Variants in NIBAN1 observed in about 807,000 individuals in gnomAD.
The protein encoded by NIBAN1 is niban apoptosis regulator 1.
A neutral mutation model predicts 75.1 loss-of-function variants in NIBAN1; 81 were observed. That is an observed-to-expected ratio of 1.08 (90% confidence interval 0.90 to 1.30). The LOEUF (loss-of-function observed/expected upper bound fraction) is 1.30. NIBAN1 is among the 50% of genes most tolerant of loss of function. The probability of loss-of-function intolerance (pLI) is 0.00; values close to 1 mark genes in which losing one functional copy is unlikely to be tolerated. For synonymous variants in NIBAN1, 436 were observed against 424.8 expected, an observed-to-expected ratio of 1.03 and a Z score of -0.32; for missense variants, 1,133 against 1,128.1, an observed-to-expected ratio of 1.00 and a Z score of -0.06.
intron 1 of NIBAN1, among the ~76,000 whole-genome samples, chr1:184,944,537 T>C (rs1184820234): frequency 2.6e-5 from 4 of 152,250 alleles, no homozygotes; most frequent in African/African-American, 9.6e-5. Context: ...TGCCTTTAGG[T>C]AATGCAGGAA....
At chr1:184,861,279 C>G (rs1228940005) in intron 5 of NIBAN1, among the ~76,000 whole-genome samples, 1 of 152,208 alleles carries the variant, frequency 6.6e-6, no homozygotes, top group African/African-American at 2.4e-5. Context: ...TTCCTTGAAC[C>G]AATCTAAATC....
chr1:184,940,975 C>T lies in NIBAN1; in HGVS notation c.55+33327G>A, dbSNP rs1012837910. 1.3e-4 allele frequency among the ~76,000 whole-genome samples: 20 copies of T among 152,190 alleles called. 1 individual carries two copies. Among genetic ancestry groups the T allele is most frequent in the Admixed American group, 1.2e-3 (19 of 15,284 alleles). ...AAACAGGTACAACAGAGAAGGCATC[C>T]GGACACACGTCAGTCTATCCTTTCT... On this transcript the variant is annotated intron_variant, in intron 1 of 13. Coordinates refer to ENST00000367511, the MANE Select transcript of NIBAN1 (RefSeq NM_052966.4).
intron 5 of NIBAN1, among the ~76,000 whole-genome samples, chr1:184,876,858 T>G (rs773570989): frequency 3.9e-5 from 6 of 152,262 alleles, no homozygotes; most frequent in South Asian, 4.1e-4. Flanking sequence ...TATTTCAGAT[T>G]ATAGCAAAGG....
intron 5 of NIBAN1, among the ~76,000 whole-genome samples, chr1:184,873,813 G>A (rs1248094067): frequency 1.3e-5 from 2 of 152,146 alleles, no homozygotes; most frequent in Admixed American, 6.5e-5. Flanking sequence ...CTTTCCTCCT[G>A]TTAATCTGTC....
intron 5 of NIBAN1, among the ~76,000 whole-genome samples, chr1:184,837,327 G>A (rs538565239): frequency 9.9e-5 from 15 of 152,272 alleles, no homozygotes; most frequent in East Asian, 1.9e-4. Flanking sequence ...CTCTTCCAGC[G>A]TGCTATAATT....
At chr1:184,960,871 C>T (rs890300658) in intron 1 of NIBAN1, among the ~76,000 whole-genome samples, 5 of 151,956 alleles carry the variant, frequency 3.3e-5, no homozygotes, top group African/African-American at 9.7e-5. Context: ...CTCAGGTGAT[C>T]CACCTGCCTC....
chr1:184,932,032 T>C (rs1045231578), intron 1 of NIBAN1, among the ~76,000 whole-genome samples: 1 of 152,206 alleles, frequency 6.6e-6, no homozygotes, highest in Non-Finnish European at 1.5e-5. Context: ...GCTACTAATA[T>C]TTGAAACATA....
At position 184,867,981 on chromosome 1, in the gene NIBAN1, AAAC is replaced by A. The variant is rs1656002258; in HGVS notation, c.601+16649_601+16651del. 15 of 985,424 alleles carry A rather than the reference AAAC, an allele frequency of 1.5e-5. No individual in the cohort carries two copies. In the South Asian group the frequency reaches 6.6e-4, roughly 43 times the overall value. The allele number at this position is 985,424 out of a possible 1,614,324, so 61.0% of individuals were successfully genotyped here. A position where few individuals can be genotyped will look rare whatever the true frequency, so the allele number is the denominator to read the frequency against. ...TTCTAGGGAAAGGTGGGGAAGGAAA[AAAC>A]AACAAATGAAGAGAAGTCTCAGTTC... On this transcript the variant is annotated intron_variant, in intron 5 of 13. Transcript: ENST00000367511.
intron 5 of NIBAN1, among the ~76,000 whole-genome samples, chr1:184,876,071 G>C (rs375178791): frequency 6.6e-6 from 1 of 151,866 alleles, no homozygotes; most frequent in African/African-American, 2.4e-5. Flanking sequence ...TACTCAGAAG[G>C]CTGAGGCAGG....
chr1:184,857,648 CAAATT>C (rs1353553666), intron 5 of NIBAN1, among the ~76,000 whole-genome samples: 1 of 152,046 alleles, frequency 6.6e-6, no homozygotes, highest in East Asian at 1.9e-4. Context: ...AATCTGCAAT[CAAATT>C]AAAATTGCAT....
intron 5 of NIBAN1, among the ~76,000 whole-genome samples, 166 bp from the exon 6 acceptor site, chr1:184,832,128 C>T (rs1236790134): frequency 6.6e-6 from 1 of 152,198 alleles, no homozygotes; most frequent in Non-Finnish European, 1.5e-5. Context: ...AGTTAATTTG[C>T]AGGTGTACAT....
intron 1 of NIBAN1, among the ~76,000 whole-genome samples, chr1:184,931,073 C>T (rs1367740742): frequency 6.8e-6 from 1 of 147,322 alleles, no homozygotes; most frequent in African/African-American, 2.5e-5. Flanking sequence ...TGTGTCGGCT[C>T]ACTGCAACCT....
intron 1 of NIBAN1, among the ~76,000 whole-genome samples, chr1:184,909,623 G>A (rs1340575265): frequency 1.3e-5 from 2 of 152,126 alleles, no homozygotes; most frequent in African/African-American, 2.4e-5. Context: ...TATTCACAAG[G>A]TTGATAGAAT....
chr1:184,889,563 A>G (rs1357757424), intron 4 of NIBAN1, among the ~76,000 whole-genome samples: 1 of 152,158 alleles, frequency 6.6e-6, no homozygotes. Flanking sequence ...TGACAGGTCC[A>G]GGCTTGCTTA....
chr1:184,898,151 A>G (rs1011912556), intron 2 of NIBAN1, among the ~76,000 whole-genome samples: 3 of 152,100 alleles, frequency 2.0e-5, no homozygotes, highest in East Asian at 1.9e-4. Context: ...CCTTGCTCAC[A>G]GTGCTCCCAG....
chr1:184,808,815 A>T (rs942828127), intron 9 of NIBAN1, among the ~76,000 whole-genome samples: 1 of 152,188 alleles, frequency 6.6e-6, no homozygotes, highest in African/African-American at 2.4e-5. Flanking sequence ...AGAGGTATCC[A>T]GTTTGAAGAA....
intron 8 of NIBAN1, among the ~76,000 whole-genome samples, chr1:184,820,194 T>A (rs1326959256): frequency 6.6e-6 from 1 of 152,194 alleles, no homozygotes; most frequent in African/African-American, 2.4e-5. Context: ...ATTAGTTAAT[T>A]AACTTTAAAG....
Position 184,831,922 on chromosome 1 carries a change from T to G in NIBAN1, c.642A>C (p.Leu214Phe), listed in dbSNP as rs1287956067. Reference sequence around the variant, plus strand: ...CCTGTCGGAAGAATTGCACAGCTTCTAAAAAGGCTTGGGCTTCAAATGTCA... The same window carrying G: ...CCTGTCGGAAGAATTGCACAGCTTCGAAAAAGGCTTGGGCTTCAAATGTCA... The part of the protein sequence containing the change: ...KQMTFEAQAF[L>F]EAVQFFRQEK... Residue 214 changes from leucine to phenylalanine, a missense_variant, in exon 6 of 14, where the codon TTA becomes TTC. Leu to Phe is a conservative substitution (Grantham distance 22). Transcript: ENST00000367511. 6.2e-7 allele frequency: 1 copy of G among 1,614,060 alleles called. No individual in the cohort carries two copies. Among genetic ancestry groups the G allele is most frequent in the Non-Finnish European group, 8.5e-7 (1 of 1,179,932 alleles).
intron 1 of NIBAN1, among the ~76,000 whole-genome samples, chr1:184,949,650 A>G (rs1045012548): frequency 1.3e-5 from 2 of 152,156 alleles, no homozygotes; most frequent in Non-Finnish European, 2.9e-5. Context: ...TGTCCAACTA[A>G]CTATAAGTTT....
Sources: allele counts gnomAD v4.1 joint callset (sites outside exome capture counted in the v4.1 genomes callset), GRCh38; gene constraint gnomAD v4.1.1; transcripts MANE v1.5; gene names NCBI Gene and HGNC (gene_info 2026-07-23, HGNC 2026-07-21).